RALGAPA2: variants seen among roughly 807,000 people sequenced by gnomAD.
The protein encoded by RALGAPA2 is Ral GTPase activating protein catalytic subunit alpha 2, also known as ral GTPase-activating protein subunit alpha-2.
Under a neutral mutation model 230.4 loss-of-function variants are expected in RALGAPA2, and 139 were observed. The ratio of observed to expected loss-of-function variants is 0.60; its 90% CI spans 0.53 to 0.69. RALGAPA2 has a LOEUF of 0.69. Among genes scored for constraint, RALGAPA2 ranks in the 30% least tolerant of loss-of-function variants. The pLI is 0.00. For missense variants in RALGAPA2, 2,163 were observed against 2,276.0 expected (o/e 0.95, Z 1.01); for synonymous variants, 847 against 837.8 (o/e 1.01, Z -0.19).
At chr20:20,524,716 G>A in intron 29 of RALGAPA2, 114 bp downstream of exon 29, 1 of 1,289,934 alleles carries the variant, frequency 7.8e-7, no homozygotes, top group East Asian at 2.5e-5. Flanking sequence ...AGACTGTTAA[G>A]GCCAATAGAG....
At chr20:20,504,559 T>A (rs998263081) in intron 34 of RALGAPA2, among the ~76,000 whole-genome samples, 1 of 151,912 alleles carries the variant, frequency 6.6e-6, no homozygotes, top group Admixed American at 6.6e-5. Flanking sequence ...CCATCTCTAC[T>A]AAAAATACAA....
intron 2 of RALGAPA2, 27 bp from the exon 3 acceptor site, chr20:20,676,315 T>C (rs1193034479): frequency 6.8e-6 from 10 of 1,469,346 alleles, no homozygotes; most frequent in Admixed American, 3.6e-5. Flanking sequence ...TAATTAGTTA[T>C]CATGACATCA....
Position 20,676,290 on chromosome 20 carries a change from T to G in RALGAPA2, c.218-2A>C. ...CCTCCCTTTGTGACTTATTATTCCC[T>G]GGAATATTAAAAAATAATTAGTTAT... On this transcript the variant is annotated splice_acceptor_variant, in intron 2 of 39. Coordinates refer to ENST00000202677, the MANE Select transcript of RALGAPA2 (RefSeq NM_020343.4). LOFTEE classifies it high-confidence loss of function. The G allele has an allele frequency of 1.3e-6, 2 of 1,549,930 alleles. No individual in the cohort carries two copies. The highest frequency in any genetic ancestry group is 1.8e-6 in the Non-Finnish European group (2 of 1,129,438).
chr20:20,462,930 T>C (rs1226178923), intron 37 of RALGAPA2, among the ~76,000 whole-genome samples: 1 of 152,250 alleles, frequency 6.6e-6, no homozygotes, highest in African/African-American at 2.4e-5. Flanking sequence ...AAACGTTCTG[T>C]GGATGCTGTT....
intron 37 of RALGAPA2, among the ~76,000 whole-genome samples, chr20:20,424,872 A>C (rs983465559): frequency 6.6e-6 from 1 of 152,202 alleles, no homozygotes; most frequent in African/African-American, 2.4e-5. Flanking sequence ...AAAGTATAAA[A>C]AGAGTAGACA....
At chr20:20,464,778 A>G (rs931444662) in intron 37 of RALGAPA2, among the ~76,000 whole-genome samples, 1 of 152,220 alleles carries the variant, frequency 6.6e-6, no homozygotes, top group Non-Finnish European at 1.5e-5. Flanking sequence ...TTAGAGCACA[A>G]TAAAAATATG....
chr20:20,428,109 G>A (rs1414513813), intron 37 of RALGAPA2, among the ~76,000 whole-genome samples: 1 of 152,090 alleles, frequency 6.6e-6, no homozygotes, highest in Non-Finnish European at 1.5e-5. Context: ...TATATTCTGG[G>A]ATAATTCTAC....
chr20:20,582,161 AGTGTGTGTGT>A (rs35240382), intron 20 of RALGAPA2, among the ~76,000 whole-genome samples: 38 of 146,160 alleles, frequency 2.6e-4, no homozygotes, highest in African/African-American at 7.3e-4. Flanking sequence ...AGTGTCACAC[AGTGTGTGTGT>A]GTGTGTGTGT....
intron 34 of RALGAPA2, among the ~76,000 whole-genome samples, chr20:20,503,944 G>A (rs758512514): frequency 6.6e-6 from 1 of 152,120 alleles, no homozygotes; most frequent in Non-Finnish European, 1.5e-5. Context: ...AGCAATCCTT[G>A]CTAAACTGCC....
intron 33 of RALGAPA2, among the ~76,000 whole-genome samples, chr20:20,510,647 C>T (rs552332996): frequency 1.4e-4 from 21 of 151,950 alleles, no homozygotes; most frequent in Non-Finnish European, 2.2e-4. Flanking sequence ...TAGATGATTT[C>T]GGAAACACAC....
intron 23 of RALGAPA2, among the ~76,000 whole-genome samples, chr20:20,567,313 A>G (rs1048812098): frequency 6.6e-6 from 1 of 152,366 alleles, no homozygotes. Context: ...TTTCATGTCA[A>G]ACTATTTTGG....
intron 36 of RALGAPA2, among the ~76,000 whole-genome samples, chr20:20,486,593 T>C (rs930134501): frequency 6.6e-6 from 1 of 152,172 alleles, no homozygotes; most frequent in East Asian, 1.9e-4. Context: ...TTGATATTTA[T>C]TCTGCTTGGT....
chr20:20,390,504 T>A lies in RALGAPA2; in HGVS notation c.*2785A>T, dbSNP rs1229137823. On this transcript the variant is annotated 3_prime_UTR_variant, in exon 40 of 40. Coordinates refer to ENST00000202677, the MANE Select transcript of RALGAPA2 (RefSeq NM_020343.4). ...GTGAGGGAACTGGCCTGGCCCTGCC[T>A]GAGGCCAGCGAGTCTTACCACATTT... 1 of 152,260 alleles carries A rather than the reference T, an allele frequency of 6.6e-6. No homozygotes were observed. Among genetic ancestry groups the A allele is most frequent in the Admixed American group, 6.5e-5 (1 of 15,290 alleles). The allele number at this position is 152,260 out of a possible 1,614,324, so 9.4% of individuals were successfully genotyped here. A position where few individuals can be genotyped will look rare whatever the true frequency, so the allele number is the denominator to read the frequency against.
intron 30 of RALGAPA2, among the ~76,000 whole-genome samples, chr20:20,522,064 G>C (rs1431017894): frequency 1.3e-5 from 2 of 152,116 alleles, no homozygotes; most frequent in South Asian, 2.1e-4. Context: ...CAATCACTGA[G>C]AGAATTAATT....
chr20:20,659,166 G>A (rs1399059035), intron 3 of RALGAPA2, among the ~76,000 whole-genome samples: 2 of 152,100 alleles, frequency 1.3e-5, no homozygotes, highest in African/African-American at 2.4e-5. Context: ...TGGACTGTTC[G>A]GTTTAAAGAA....
intron 31 of RALGAPA2, among the ~76,000 whole-genome samples, chr20:20,518,472 T>C (rs1054424333): frequency 6.6e-6 from 1 of 152,214 alleles, no homozygotes; most frequent in Non-Finnish European, 1.5e-5. Flanking sequence ...ATCACCTTTA[T>C]TTTTCCTTTT....
At chr20:20,600,816 T>G (rs2065616715) in intron 16 of RALGAPA2, among the ~76,000 whole-genome samples, 2 of 152,148 alleles carry the variant, frequency 1.3e-5, no homozygotes, top group African/African-American at 4.8e-5. Flanking sequence ...AAAAGTAAAA[T>G]GTAGGGCGGG....
chr20:20,394,390 G>A (rs998185050), intron 39 of RALGAPA2, among the ~76,000 whole-genome samples: 6 of 152,136 alleles, frequency 3.9e-5, no homozygotes, highest in Non-Finnish European at 8.8e-5. Flanking sequence ...CTTTAAAACA[G>A]GCTGCAGCCG....
chr20:20,627,350 T>C (rs1353683288), intron 10 of RALGAPA2, among the ~76,000 whole-genome samples: 2 of 152,050 alleles, frequency 1.3e-5, no homozygotes, highest in Non-Finnish European at 2.9e-5. Context: ...AAGAAGTTGA[T>C]ATTAGGGGAA....
Sources: gnomAD v4.1 joint callset for allele counts (sites outside exome capture counted in the v4.1 genomes callset) on GRCh38, gnomAD v4.1.1 for gene constraint, MANE v1.5 for transcripts, NCBI Gene and HGNC (gene_info 2026-07-23, HGNC 2026-07-21) for gene names.